Variants in ARAP1 observed in about 807,000 individuals in gnomAD.
ARAP1 encodes the protein ArfGAP with RhoGAP domain, ankyrin repeat and PH domain 1.
In ARAP1, 76 loss-of-function variants were observed where a neutral mutation model predicts 172.2. The ratio of observed to expected loss-of-function variants is 0.44; its 90% confidence interval spans 0.37 to 0.53. The LOEUF (loss-of-function observed/expected upper bound fraction) is 0.53, where lower values mean the gene tolerates loss of function less well. Ranked by LOEUF, ARAP1 falls within the 20% of genes least tolerant of loss-of-function variation. The probability of loss-of-function intolerance (pLI) is 0.00; values close to 1 mark genes in which losing one functional copy is unlikely to be tolerated. For synonymous variants in ARAP1, 804 were observed against 803.3 expected (o/e 1.00, Z -0.01); for missense variants, 1,686 against 1,977.5 (o/e 0.85, Z 2.80).
Position 72,697,211 on chromosome 11 carries a change from G to T in ARAP1, c.2954-16C>A, listed in dbSNP as rs201143204. 3 of 1,588,860 alleles carry T rather than the reference G, an allele frequency of 1.9e-6. No homozygotes were observed. In the Admixed American group the frequency reaches 5.0e-5, roughly 27 times the overall value. On this transcript the variant is annotated splice_polypyrimidine_tract_variant and intron_variant, in intron 21 of 34. Transcript: ENST00000393609. ...GAGGTCAGGCCTAGGGAGGGGCGGG[G>T]CCAAGCGTTCGGGGCCTGAGGCATA...
chr11:72,716,567 G>T (rs926502310), intron 3 of ARAP1, among the ~76,000 whole-genome samples: 7 of 152,272 alleles, frequency 4.6e-5, no homozygotes, highest in African/African-American at 1.7e-4. Flanking sequence ...TTTGAGCTTC[G>T]CTCAGTGTGG....
chr11:72,698,633 G>A (rs966054792), intron 18 of ARAP1, among the ~76,000 whole-genome samples: 7 of 152,138 alleles, frequency 4.6e-5, no homozygotes, highest in African/African-American at 1.2e-4. Flanking sequence ...GAGCTCTCCC[G>A]GTGGCCTCCC....
chr11:72,719,328 AT>A (rs374480807), intron 3 of ARAP1, among the ~76,000 whole-genome samples: 14 of 152,360 alleles, frequency 9.2e-5, no homozygotes, highest in African/African-American at 3.1e-4. Context: ...GGCACTATTA[AT>A]AACTATGTCA....
rs1265154945 is a variant in ARAP1 at position 72,706,774 on chromosome 11, C to T, written c.1723+401G>A. ...CTGACCATGTCCCCGCCTCCCATCG[C>T]CCTCCAGACAAAAACCAGCTCCTCC... On this transcript the variant is annotated intron_variant, in intron 12 of 34. Transcript: ENST00000393609. 2.6e-5 allele frequency among the ~76,000 whole-genome samples: 4 copies of T among 152,138 alleles called. No homozygotes were observed. In the East Asian group the frequency reaches 7.7e-4, roughly 29 times the overall value.
chr11:72,702,034 C>T (rs1021066373), intron 15 of ARAP1, among the ~76,000 whole-genome samples: 1 of 152,250 alleles, frequency 6.6e-6, no homozygotes, highest in African/African-American at 2.4e-5. Context: ...GGAAGCCTCC[C>T]TGATTCCTGC....
At chr11:72,705,681 C>T in intron 13 of ARAP1, 124 bp downstream of exon 13, 1 of 1,047,680 alleles carries the variant, frequency 9.5e-7, no homozygotes, top group Non-Finnish European at 1.4e-6. Context: ...ACTAGATTAT[C>T]ACAAAGGGTC....
intron 3 of ARAP1, among the ~76,000 whole-genome samples, chr11:72,719,796 C>T (rs1298883502): frequency 6.6e-6 from 1 of 152,172 alleles, no homozygotes; most frequent in African/African-American, 2.4e-5. Context: ...CACACTCCAG[C>T]CCTCCCTGAC....
chr11:72,695,737 T>C lies in ARAP1; in HGVS notation c.3401A>G (p.His1134Arg), dbSNP rs1325736957. 5.0e-6 allele frequency: 8 copies of C among 1,614,162 alleles called. No individual in the cohort carries two copies. Among genetic ancestry groups the C allele is most frequent in the Non-Finnish European group, 6.8e-6 (8 of 1,180,006 alleles). ...ACGCACACTAAACACCACCACATAG[T>C]GGTTAATGAGGTCTTCCACCACACG... ...AGRVVEDLIN[H>R]YVVVFSVDEE... Residue 1134 changes from histidine to arginine, a missense_variant, in exon 24 of 35, where the codon CAC becomes CGC. By Grantham distance (29) the His-to-Arg change is conservative. Coordinates refer to ENST00000393609, the MANE Select transcript of ARAP1 (RefSeq NM_001040118.3). This position sits in a 1 kb window ranked among gnomAD's most constrained non-coding sequence, Gnocchi z 4.4.
At position 72,710,901 on chromosome 11, in the gene ARAP1, C is replaced by T; in HGVS notation, c.1213+120G>A. ...CTGCCCACCTCACAAAGGCAGCATG[C>T]CTCCCCGGATGTGATGTGAGAGGGC... On this transcript the variant is annotated intron_variant, in intron 9 of 34. Transcript: ENST00000393609. This position sits in a 1 kb window ranked among gnomAD's most constrained non-coding sequence, Gnocchi z 4.3. 2 of 1,548,290 alleles carry T rather than the reference C, an allele frequency of 1.3e-6. No individual in the cohort carries two copies. The highest frequency in any genetic ancestry group is 1.2e-5 in the South Asian group (1 of 80,272).
At position 72,695,458 on chromosome 11, in the gene ARAP1, G is replaced by T; in HGVS notation, c.3508-3C>A. On this transcript the variant is annotated splice_region_variant and splice_polypyrimidine_tract_variant and intron_variant, in intron 25 of 34. Coordinates refer to ENST00000393609, the MANE Select transcript of ARAP1 (RefSeq NM_001040118.3). This position sits in a 1 kb window ranked among gnomAD's most constrained non-coding sequence, Gnocchi z 4.4. ...GTGCAGATGAAGTCACCGGCATGCT[G>T]CAGGGAGACAGGGCTCAGCTGGGGG... 1 of 1,614,214 alleles carries T rather than the reference G, an allele frequency of 6.2e-7. No individual in the cohort carries two copies. The highest frequency in any genetic ancestry group is 8.5e-7 in the Non-Finnish European group (1 of 1,180,032).
intron 6 of ARAP1, 26 bp downstream of exon 6, chr11:72,712,412 G>A: frequency 6.4e-7 from 1 of 1,553,570 alleles, no homozygotes; most frequent in Non-Finnish European, 8.7e-7. Context: ...TGGGCTCAGT[G>A]GGAAGGAGGG....
In ARAP1 at chr11:72,726,916, C is replaced by T. The variant is rs750047708; in HGVS notation, c.213G>A (p.Pro71=). The T allele has an allele frequency of 6.3e-6, 10 of 1,588,998 alleles. No individual in the cohort carries two copies. The highest frequency in any genetic ancestry group is 4.6e-5 in the South Asian group (4 of 87,590). ...GTGGGGTGGGGCGGGGTGCAGGGGC[C>T]GGTGAGGTATGGGCACGGAGCAGGC... The part of the protein sequence containing the change: ...LAGLLRAHTS[P]APAPRPTPRP... Residue 71 remains proline (P), a synonymous_variant, in exon 3 of 35, where the codon CCG becomes CCA. Transcript: ENST00000393609. The surrounding 1 kb of genome is among the most constrained non-coding windows in gnomAD (Gnocchi z 6.5).
At chr11:72,742,937 G>C (rs910238343) in intron 1 of ARAP1, among the ~76,000 whole-genome samples, 2 of 152,116 alleles carry the variant, frequency 1.3e-5, no homozygotes, top group Admixed American at 6.5e-5. Context: ...TCAACTGCTG[G>C]GTCCCGAGCT....
At chr11:72,707,435 T>G in intron 11 of ARAP1, 61 bp from the exon 12 acceptor site, 2 of 1,488,718 alleles carry the variant, frequency 1.3e-6, no homozygotes, top group Non-Finnish European at 1.8e-6. Context: ...GGGGGCAGCA[T>G]GAGGATGCAC....
chr11:72,691,610 G>A (rs1855934745), intron 30 of ARAP1, among the ~76,000 whole-genome samples: 1 of 152,178 alleles, frequency 6.6e-6, no homozygotes, highest in Admixed American at 6.5e-5. Flanking sequence ...AAGGAGATGA[G>A]GTCCTGCTCT....
intron 18 of ARAP1, among the ~76,000 whole-genome samples, chr11:72,698,543 C>T (rs138120386): frequency 1.5e-3 from 236 of 152,308 alleles, no homozygotes; most frequent in African/African-American, 5.1e-3. Flanking sequence ...AACTGATCAA[C>T]GGAGAAGTGA....
At chr11:72,721,274 C>G (rs1857495781) in intron 3 of ARAP1, among the ~76,000 whole-genome samples, 1 of 152,124 alleles carries the variant, frequency 6.6e-6, no homozygotes, top group Non-Finnish European at 1.5e-5. Context: ...AAGGGGAGAC[C>G]AGCCCCCACA....
At chr11:72,721,832 C>T (rs1052123609) in intron 3 of ARAP1, 21 of 985,628 alleles carry the variant, frequency 2.1e-5, no homozygotes, top group Non-Finnish European at 2.3e-5. Context: ...ACAACAGCAA[C>T]GGCGGCACCT....
chr11:72,710,967 TC>T lies in ARAP1; in HGVS notation c.1213+53del. 1 of 1,607,300 alleles carries T rather than the reference TC, an allele frequency of 6.2e-7. No homozygotes were observed. Among genetic ancestry groups the T allele is most frequent in the South Asian group, 1.1e-5 (1 of 90,498 alleles). On this transcript the variant is annotated intron_variant, in intron 9 of 34. Coordinates refer to ENST00000393609, the MANE Select transcript of ARAP1 (RefSeq NM_001040118.3). This position sits in a 1 kb window ranked among gnomAD's most constrained non-coding sequence, Gnocchi z 4.3. ...CTCTTCCCCCTCCTCTGCCCAAACTTCCAGTCTTCTCTACCCTCTTCTACAC... is the reference window on the plus strand; with the variant it reads ...CTCTTCCCCCTCCTCTGCCCAAACTTCAGTCTTCTCTACCCTCTTCTACAC...
Sources: gnomAD v4.1 joint callset for allele counts (sites outside exome capture counted in the v4.1 genomes callset) on GRCh38, gnomAD v4.1.1 for gene constraint, Gnocchi (gnomAD v3.1) non-coding constraint, MANE v1.5 for transcripts, NCBI Gene and HGNC (gene_info 2026-07-23, HGNC 2026-07-21) for gene names.